Variants in ICA1 observed in about 807,000 individuals in gnomAD.
ICA1 encodes islet cell autoantigen 1.
Under a neutral mutation model 71.0 loss-of-function variants are expected in ICA1, and 40 were observed. The ratio of observed to expected loss-of-function variants is 0.56; its 90% CI spans 0.44 to 0.73. The LOEUF (loss-of-function observed/expected upper bound fraction) is 0.73, where lower values mean the gene tolerates loss of function less well. ICA1 is among the 30% of genes least tolerant of loss of function. ICA1 has a pLI of 0.00. For missense variants in ICA1, 578 were observed against 576.5 expected, an observed-to-expected ratio of 1.00 and a Z score of -0.03; for synonymous variants, 207 against 209.5, an observed-to-expected ratio of 0.99 and a Z score of 0.10.
At chr7:8,185,903 G>A (rs115269037) in intron 6 of ICA1, among the ~76,000 whole-genome samples, 2,302 of 152,310 alleles carry the variant, frequency 0.015, 65 homozygotes, top group African/African-American at 0.052. Context: ...CAGGCATGTA[G>A]GAGCCTGGGT....
chr7:8,245,179 G>C (rs978066818), intron 1 of ICA1, among the ~76,000 whole-genome samples: 1 of 152,148 alleles, frequency 6.6e-6, no homozygotes, highest in African/African-American at 2.4e-5. Flanking sequence ...ATCAATGGTA[G>C]AGCGGATTAA....
At chr7:8,209,092 A>G (rs904721192) in intron 6 of ICA1, among the ~76,000 whole-genome samples, 4 of 152,248 alleles carry the variant, frequency 2.6e-5, no homozygotes, top group Non-Finnish European at 4.4e-5. Flanking sequence ...ATCTGGCAAA[A>G]GGAAAACTAT....
chr7:8,159,083 T>C (rs1222076887), intron 6 of ICA1, among the ~76,000 whole-genome samples: 3 of 152,198 alleles, frequency 2.0e-5, no homozygotes, highest in Admixed American at 2.0e-4. Context: ...CTACATTTGT[T>C]AAAACAAAGA....
chr7:8,242,583 G>A (rs891201790), intron 1 of ICA1, among the ~76,000 whole-genome samples: 1 of 151,844 alleles, frequency 6.6e-6, no homozygotes, highest in African/African-American at 2.4e-5. Flanking sequence ...AACTGAAGGA[G>A]ATAAGACACA....
intron 8 of ICA1, among the ~76,000 whole-genome samples, chr7:8,149,931 T>C (rs1053841669): frequency 2.0e-5 from 3 of 152,204 alleles, no homozygotes; most frequent in African/African-American, 7.2e-5. Flanking sequence ...TTCATGGACA[T>C]TTAGCACATA....
At chr7:8,242,745 C>T (rs1455741476) in intron 1 of ICA1, among the ~76,000 whole-genome samples, 1 of 152,150 alleles carries the variant, frequency 6.6e-6, no homozygotes, top group Non-Finnish European at 1.5e-5. Flanking sequence ...CACCACCGAT[C>T]CCACAGAAAT....
intron 6 of ICA1, among the ~76,000 whole-genome samples, chr7:8,193,236 C>T (rs1249590447): frequency 6.6e-6 from 1 of 152,178 alleles, no homozygotes; most frequent in Non-Finnish European, 1.5e-5. Context: ...CATTAGTTTA[C>T]ATATATCTAA....
intron 13 of ICA1, among the ~76,000 whole-genome samples, chr7:8,122,534 G>A (rs561967137): frequency 1.3e-5 from 2 of 152,382 alleles, no homozygotes; most frequent in African/African-American, 2.4e-5. Context: ...GCGGAACTCC[G>A]TTCCATTGCC....
intron 1 of ICA1, among the ~76,000 whole-genome samples, chr7:8,244,097 C>T (rs1162911772): frequency 6.6e-6 from 1 of 152,192 alleles, no homozygotes; most frequent in Non-Finnish European, 1.5e-5. Flanking sequence ...GCCTGCATTG[C>T]CAAGACAATC....
At chr7:8,210,075 C>T (rs1484691222) in intron 6 of ICA1, among the ~76,000 whole-genome samples, 1 of 152,176 alleles carries the variant, frequency 6.6e-6, no homozygotes, top group Admixed American at 6.5e-5. Context: ...AGTTATTAGC[C>T]AGGAGAAAGA....
At chr7:8,229,036 C>A (rs1209067738) in intron 3 of ICA1, among the ~76,000 whole-genome samples, 1 of 151,996 alleles carries the variant, frequency 6.6e-6, no homozygotes, top group Admixed American at 6.6e-5. Context: ...CAAATTTATT[C>A]CTTTCACCAC....
At chr7:8,152,435 G>A (rs376315474) in intron 8 of ICA1, among the ~76,000 whole-genome samples, 40 of 151,852 alleles carry the variant, frequency 2.6e-4, no homozygotes, top group Middle Eastern at 6.8e-3. Context: ...AGCCTTTACC[G>A]TGGCTGTTAT....
intron 12 of ICA1, among the ~76,000 whole-genome samples, chr7:8,129,747 C>T (rs1017476249): frequency 6.6e-6 from 1 of 152,010 alleles, no homozygotes; most frequent in Non-Finnish European, 1.5e-5. Context: ...TAAATGTGCA[C>T]AACGTGCAGG....
At chr7:8,193,719 T>A (rs538599139) in intron 6 of ICA1, among the ~76,000 whole-genome samples, 1 of 152,336 alleles carries the variant, frequency 6.6e-6, no homozygotes, top group African/African-American at 2.4e-5. Context: ...AAAACTGTCT[T>A]TTGTTCCATT....
Position 8,151,170 on chromosome 7 carries a change from G to A in ICA1, c.804+5946C>T, listed in dbSNP as rs373436376. Among the ~76,000 whole-genome samples, 16 of 152,268 alleles carry A rather than the reference G, an allele frequency of 1.1e-4. No individual in the cohort carries two copies. The South Asian group carries it at 1.7e-3, about 16-fold the overall frequency. On this transcript the variant is annotated intron_variant, in intron 8 of 13. Transcript: ENST00000402384. ...TATTTCACCTCACCCTTTGCAGAGC[G>A]TTTGGCCCAGACAACCTACCCACAC...
At chr7:8,256,447 A>T (rs1409895490) in intron 1 of ICA1, among the ~76,000 whole-genome samples, 4 of 152,064 alleles carry the variant, frequency 2.6e-5, no homozygotes, top group Non-Finnish European at 4.4e-5. Flanking sequence ...CCCTGAATAT[A>T]CTATGCACTT....
At chr7:8,143,719 T>G (rs11772202) in intron 9 of ICA1, among the ~76,000 whole-genome samples, 156 bp downstream of exon 9, 17,888 of 152,176 alleles carry the variant, frequency 0.12, 1,301 homozygotes, top group Non-Finnish European at 0.17. Flanking sequence ...GGAGCATGCG[T>G]TAAAGGGGTT....
Position 8,130,534 on chromosome 7 carries a change from G to C in ICA1, c.1061-2392C>G, listed in dbSNP as rs1791068219. On this transcript the variant is annotated intron_variant, in intron 12 of 13. Coordinates refer to ENST00000402384, the MANE Select transcript of ICA1 (RefSeq NM_001136020.3). This position sits in a 1 kb window ranked among gnomAD's most constrained non-coding sequence, Gnocchi z 4.2. ...AACCCTTTCTTATAGTTTACTTTTT[G>C]CCCTGACTGAAACCAGATAATTACT... is the stretch of plus-strand genomic sequence containing the variant. Among the ~76,000 whole-genome samples, 1 of 152,240 alleles carries C rather than the reference G, an allele frequency of 6.6e-6. No individual in the cohort carries two copies. The highest frequency in any genetic ancestry group is 1.5e-5 in the Non-Finnish European group (1 of 68,002).
At chr7:8,231,604 A>G (rs1800294750) in intron 3 of ICA1, among the ~76,000 whole-genome samples, 1 of 152,164 alleles carries the variant, frequency 6.6e-6, no homozygotes, top group Non-Finnish European at 1.5e-5. Flanking sequence ...TAGTTCTCCT[A>G]AAGTTACAGC....
Sources: allele counts gnomAD v4.1 joint callset (sites outside exome capture counted in the v4.1 genomes callset), GRCh38; gene constraint gnomAD v4.1.1; non-coding constraint Gnocchi (gnomAD v3.1); transcripts MANE v1.5; gene names NCBI Gene and HGNC (gene_info 2026-07-23, HGNC 2026-07-21).